Variants in ADGRD1 observed in about 807,000 individuals in gnomAD.
ADGRD1 encodes adhesion G protein-coupled receptor D1, also known as G-protein coupled receptor 133.
ADGRD1 carries 77 observed loss-of-function variants against 113.4 expected under a neutral mutation model. The observed-to-expected ratio is 0.68, with a 90% CI of 0.57 to 0.82. The LOEUF (loss-of-function observed/expected upper bound fraction) is 0.82, where lower values mean the gene tolerates loss of function less well. ADGRD1 is among the 40% of genes least tolerant of loss of function. ADGRD1 has a pLI of 0.00. For missense variants in ADGRD1, 1,036 were observed against 1,139.1 expected, an observed-to-expected ratio of 0.91 and a Z score of 1.30; for synonymous variants, 474 against 475.0, an observed-to-expected ratio of 1.00 and a Z score of 0.03.
chr12:131,133,245 A>G (rs1950983256), intron 21 of ADGRD1, among the ~76,000 whole-genome samples: 1 of 152,102 alleles, frequency 6.6e-6, no homozygotes, highest in Admixed American at 6.5e-5. Flanking sequence ...TGTCTCCAGC[A>G]AAAGCTCACA....
chr12:131,098,778 A>G (rs1460716159), intron 15 of ADGRD1, among the ~76,000 whole-genome samples: 1 of 152,166 alleles, frequency 6.6e-6, no homozygotes, highest in Non-Finnish European at 1.5e-5. Context: ...ATTCACGTTT[A>G]CACATCCACG....
chr12:131,110,215 G>C (rs2137357720), intron 18 of ADGRD1, among the ~76,000 whole-genome samples: 1 of 152,248 alleles, frequency 6.6e-6, no homozygotes, highest in South Asian at 2.1e-4. Flanking sequence ...ACATAGGGTG[G>C]ATTCACATCA....
rs10526212 is a variant in ADGRD1, at chr12:130,979,817, TCACACACA to T, written c.311-2029_311-2022del. On this transcript the variant is annotated intron_variant, in intron 4 of 24. Transcript: ENST00000261654. Reference sequence around the variant, plus strand: ...AGAATCCAGACAGGCAGCTAGTGTCTCACACACACACACACACACACACACACACACAC... The same window carrying T: ...AGAATCCAGACAGGCAGCTAGTGTCTCACACACACACACACACACACACAC... 5.4e-3 allele frequency among the ~76,000 whole-genome samples: 290 copies of T among 53,936 alleles called. 3 individuals are homozygous for T. Among genetic ancestry groups the T allele is most frequent in the African/African-American group, 9.0e-3 (264 of 29,308 alleles). The allele number at this position is 53,936 out of a possible 152,430, so 35.4% of individuals were successfully genotyped here.
intron 15 of ADGRD1, among the ~76,000 whole-genome samples, chr12:131,102,929 G>C (rs1000739508): frequency 6.6e-6 from 1 of 152,216 alleles, no homozygotes; most frequent in Admixed American, 6.5e-5. Context: ...GGGGACGGGG[G>C]CCCCATTTCT....
intron 12 of ADGRD1, 152 bp downstream of exon 12, chr12:131,006,199 G>A (rs1191189068): frequency 2.3e-5 from 16 of 702,378 alleles, no homozygotes; most frequent in South Asian, 1.8e-4. Flanking sequence ...AACGTGAAGC[G>A]TTTTGAAGGC....
At chr12:131,129,303 C>T (rs1353234724) in intron 20 of ADGRD1, among the ~76,000 whole-genome samples, 6 of 138,732 alleles carry the variant, frequency 4.3e-5, no homozygotes, top group Non-Finnish European at 6.1e-5. Context: ...GTGGCAGCCC[C>T]GCCCTGCTGT....
chr12:130,961,755 C>CCCAT (rs762930018), intron 2 of ADGRD1, among the ~76,000 whole-genome samples: 5 of 152,194 alleles, frequency 3.3e-5, no homozygotes, highest in South Asian at 2.1e-4. Context: ...CTGAATTCAG[C>CCCAT]CCATCCCATT....
chr12:130,980,242 C>T (rs1476886841), intron 4 of ADGRD1, among the ~76,000 whole-genome samples: 1 of 151,560 alleles, frequency 6.6e-6, no homozygotes, highest in Middle Eastern at 3.2e-3. Flanking sequence ...GCAGCTGGGA[C>T]GACAGGCACC....
At chr12:131,028,225 T>A (rs576384374) in intron 13 of ADGRD1, among the ~76,000 whole-genome samples, 1 of 152,358 alleles carries the variant, frequency 6.6e-6, no homozygotes, top group East Asian at 1.9e-4. Flanking sequence ...GACCTTTTTA[T>A]GTTTATTGGA....
At chr12:131,002,200 G>T (rs1421402801) in intron 9 of ADGRD1, among the ~76,000 whole-genome samples, 1 of 152,154 alleles carries the variant, frequency 6.6e-6, no homozygotes, top group Non-Finnish European at 1.5e-5. Flanking sequence ...AACTGCTTTT[G>T]AATGCAAAAT....
intron 15 of ADGRD1, among the ~76,000 whole-genome samples, chr12:131,093,592 G>C (rs1051443431): frequency 1.3e-5 from 2 of 152,214 alleles, no homozygotes; most frequent in Non-Finnish European, 2.9e-5. Context: ...CTGTATTTGC[G>C]GTCCCGAGGG....
intron 20 of ADGRD1, among the ~76,000 whole-genome samples, chr12:131,130,440 C>G (rs1380864671): frequency 1.3e-5 from 2 of 152,204 alleles, no homozygotes; most frequent in African/African-American, 4.8e-5. Flanking sequence ...CCACGCACCA[C>G]TCTCTCCCAA....
Position 130,954,617 on chromosome 12 carries a change from T to C in ADGRD1, c.67-7T>C. 1 of 1,613,992 alleles carries C rather than the reference T, an allele frequency of 6.2e-7. No homozygotes were observed. The highest frequency in any genetic ancestry group is 8.5e-7 in the Non-Finnish European group (1 of 1,180,022). On this transcript the variant is annotated splice_region_variant and splice_polypyrimidine_tract_variant and intron_variant, in intron 1 of 24. Coordinates refer to ENST00000261654, the MANE Select transcript of ADGRD1 (RefSeq NM_198827.5). This position sits in a 1 kb window ranked among gnomAD's most constrained non-coding sequence, Gnocchi z 4.7. ...GTGTGTCTCACACTGTGGTCTTTTG[T>C]GCGCAGGTGCGTGGCGTCTACTCCA...
At chr12:131,101,018 A>C (rs79366420) in intron 15 of ADGRD1, among the ~76,000 whole-genome samples, 204 of 152,306 alleles carry the variant, frequency 1.3e-3, no homozygotes, top group African/African-American at 4.8e-3. Context: ...AGTACTGCTC[A>C]CTGCTGTTCT....
intron 13 of ADGRD1, among the ~76,000 whole-genome samples, chr12:131,030,392 T>G (rs894744221): frequency 2.0e-5 from 3 of 152,200 alleles, no homozygotes; most frequent in Non-Finnish European, 4.4e-5. Context: ...CTGAAATTGT[T>G]GGGGCAGTGG....
chr12:130,964,245 GTGTTT>G (rs1158669973), intron 2 of ADGRD1, among the ~76,000 whole-genome samples: 1 of 151,302 alleles, frequency 6.6e-6, no homozygotes, highest in Non-Finnish European at 1.5e-5. Flanking sequence ...TTTTCTGATT[GTGTTT>G]TGTTTTATTT....
intron 13 of ADGRD1, among the ~76,000 whole-genome samples, chr12:131,035,830 AC>A (rs1196943615): frequency 2.0e-5 from 3 of 152,240 alleles, no homozygotes; most frequent in African/African-American, 4.8e-5. Context: ...ATGCACACAG[AC>A]ATGAACGTTT....
intron 13 of ADGRD1, chr12:131,023,384 G>A (rs918154634): frequency 6.6e-6 from 1 of 152,054 alleles, no homozygotes; most frequent in East Asian, 1.9e-4. Context: ...CTTCCTCCGA[G>A]CCACGGCGCA....
chr12:131,130,115 C>T (rs895769502), intron 20 of ADGRD1, among the ~76,000 whole-genome samples: 3 of 152,368 alleles, frequency 2.0e-5, no homozygotes, highest in East Asian at 1.9e-4. Context: ...GCTTTCTTCT[C>T]GTCGTTACAC....
Sources: gnomAD v4.1 joint callset for allele counts (sites outside exome capture counted in the v4.1 genomes callset) on GRCh38, gnomAD v4.1.1 for gene constraint, Gnocchi (gnomAD v3.1) non-coding constraint, MANE v1.5 for transcripts, NCBI Gene and HGNC (gene_info 2026-07-23, HGNC 2026-07-21) for gene names.